Variants in MSL2 observed in about 807,000 individuals in gnomAD.
The protein encoded by MSL2 is E3 ubiquitin-protein ligase MSL2.
MSL2 carries 2 observed loss-of-function variants against 35.8 expected under a neutral mutation model. The observed-to-expected ratio is 0.06, with a 90% CI of 0.02 to 0.18. MSL2 has a LOEUF of 0.18. MSL2 is among the 10% of genes least tolerant of loss of function. The pLI is 1.00. For synonymous variants in MSL2, 296 were observed against 255.7 expected (o/e 1.16, Z -1.50); for missense variants, 523 against 706.7 (o/e 0.74, Z 2.95).
chr3:136,188,918 C>CA (rs911068665), intron 1 of MSL2, among the ~76,000 whole-genome samples: 10 of 151,512 alleles, frequency 6.6e-5, no homozygotes, highest in African/African-American at 2.4e-4. Context: ...GGCTGCAAAT[C>CA]AAACCTCTTT....
At chr3:136,164,840 C>A (rs1419197431) in intron 1 of MSL2, among the ~76,000 whole-genome samples, 1 of 151,700 alleles carries the variant, frequency 6.6e-6, no homozygotes, top group Non-Finnish European at 1.5e-5. Flanking sequence ...GTTACACACA[C>A]AAGTACAAAA....
chr3:136,184,660 A>G (rs1356858318), intron 1 of MSL2, among the ~76,000 whole-genome samples: 7 of 150,186 alleles, frequency 4.7e-5, no homozygotes, highest in Non-Finnish European at 8.9e-5. Context: ...TCCAGCGTAC[A>G]AGAAGGGGCC....
In MSL2 at chr3:136,195,263, G is replaced by A. The variant is rs1471363903; in HGVS notation, c.-150C>T. 5.4e-6 allele frequency: 8 copies of A among 1,470,706 alleles called. No homozygotes were observed. The highest frequency in any genetic ancestry group is 7.2e-6 in the Non-Finnish European group (8 of 1,117,076). 91.1% of individuals were successfully genotyped at this position (1,470,706 alleles called of 1,614,324 possible). On this transcript the variant is annotated 5_prime_UTR_variant, in exon 1 of 2. Coordinates refer to ENST00000309993, the MANE Select transcript of MSL2 (RefSeq NM_018133.4). ...AAACAAGTAACCAAAATCCGTGCAA[G>A]TTTGTGGAGCTGAAACAATCCTCCC...
chr3:136,162,699 T>C (rs1215038484), intron 1 of MSL2, among the ~76,000 whole-genome samples: 1 of 152,208 alleles, frequency 6.6e-6, no homozygotes, highest in African/African-American at 2.4e-5. Flanking sequence ...GTAAATATTT[T>C]ATATAATAGT....
intron 1 of MSL2, among the ~76,000 whole-genome samples, chr3:136,158,172 C>T (rs917070062): frequency 2.6e-5 from 4 of 151,856 alleles, no homozygotes; most frequent in Non-Finnish European, 5.9e-5. Flanking sequence ...ATTAGCCGGG[C>T]GTGGTGGCGC....
At chr3:136,160,584 C>G (rs1347544205) in intron 1 of MSL2, among the ~76,000 whole-genome samples, 1 of 151,798 alleles carries the variant, frequency 6.6e-6, no homozygotes, top group South Asian at 2.1e-4. Context: ...GTGGCATGCA[C>G]CTGTAGTCCC....
chr3:136,193,236 C>A lies in MSL2; in HGVS notation c.142+1736G>T, dbSNP rs1347230407. Among the ~76,000 whole-genome samples the A allele has an allele frequency of 6.6e-5, 10 of 152,184 alleles. 3 individuals are homozygous for A. Among genetic ancestry groups the A allele is most frequent in the Admixed American group, 6.5e-4 (10 of 15,284 alleles). On this transcript the variant is annotated intron_variant, in intron 1 of 1. Transcript: ENST00000309993. ...GTTCAATTAGACCACCACTACCATCCGAAAGCTATTAATAGGAACTTAAAA... is the reference window on the plus strand; with the variant it reads ...GTTCAATTAGACCACCACTACCATCAGAAAGCTATTAATAGGAACTTAAAA...
rs1939282005 is a variant in MSL2 at position 136,149,539 on chromosome 3, AT to A, written c.*1607del. 6 of 150,124 alleles carry A rather than the reference AT, an allele frequency of 4.0e-5. No homozygotes were observed. The highest frequency in any genetic ancestry group is 7.4e-5 in the Non-Finnish European group (5 of 67,510). The allele number at this position is 150,124 out of a possible 1,614,324, so 9.3% of individuals were successfully genotyped here. On this transcript the variant is annotated 3_prime_UTR_variant, in exon 2 of 2. Transcript: ENST00000309993. ...AGTACATACTGGACACATACATCAC[AT>A]TTTTCTTCCTATGGCTTTAGCCCAC... is the stretch of plus-strand genomic sequence containing the variant.
chr3:136,170,584 G>A (rs1418846205), intron 1 of MSL2, among the ~76,000 whole-genome samples: 5 of 137,372 alleles, frequency 3.6e-5, no homozygotes, highest in South Asian at 2.3e-4. Context: ...GCGTGATCTC[G>A]GCTCACTGCT....
intron 1 of MSL2, among the ~76,000 whole-genome samples, chr3:136,181,929 T>G (rs1480364214): frequency 1.2e-5 from 1 of 80,476 alleles, no homozygotes; most frequent in African/African-American, 4.7e-5. Flanking sequence ...AAAAAATAAA[T>G]AAATAAATAA....
chr3:136,179,736 A>G (rs1940282082), intron 1 of MSL2, among the ~76,000 whole-genome samples: 1 of 152,242 alleles, frequency 6.6e-6, no homozygotes, highest in East Asian at 1.9e-4. Context: ...ATCTAAATTA[A>G]GTTTTAAAAT....
chr3:136,169,052 C>G (rs1053443521), intron 1 of MSL2, among the ~76,000 whole-genome samples: 6 of 151,998 alleles, frequency 3.9e-5, no homozygotes, highest in African/African-American at 9.7e-5. Context: ...GTAACTTAAG[C>G]AATGACAAAA....
At chr3:136,189,871 C>G (rs949729477) in intron 1 of MSL2, among the ~76,000 whole-genome samples, 1 of 152,064 alleles carries the variant, frequency 6.6e-6, no homozygotes, top group African/African-American at 2.4e-5. Flanking sequence ...AATGCGCTTT[C>G]ATGGTTAATT....
At chr3:136,163,882 C>CT (rs1299652567) in intron 1 of MSL2, among the ~76,000 whole-genome samples, 2 of 152,186 alleles carry the variant, frequency 1.3e-5, no homozygotes, top group Non-Finnish European at 2.9e-5. Flanking sequence ...CCTGCTTCCC[C>CT]TCTTTGTCTT....
At chr3:136,183,212 C>T (rs1940417974) in intron 1 of MSL2, among the ~76,000 whole-genome samples, 1 of 151,976 alleles carries the variant, frequency 6.6e-6, no homozygotes. Context: ...GTGCGAGCAA[C>T]AAACCCAGAA....
intron 1 of MSL2, among the ~76,000 whole-genome samples, chr3:136,178,527 T>C (rs1348655466): frequency 1.3e-5 from 2 of 150,128 alleles, no homozygotes; most frequent in East Asian, 1.9e-4. Flanking sequence ...TTAAATTTAC[T>C]GGCACTTTTT....
At chr3:136,191,051 T>G (rs1342237210) in intron 1 of MSL2, among the ~76,000 whole-genome samples, 1 of 152,212 alleles carries the variant, frequency 6.6e-6, no homozygotes. Context: ...TTGACAATAA[T>G]TGACCTGATA....
intron 1 of MSL2, among the ~76,000 whole-genome samples, chr3:136,174,146 A>C (rs1940103885): frequency 6.6e-6 from 1 of 152,226 alleles, no homozygotes; most frequent in Admixed American, 6.5e-5. Context: ...CCAGAAACTT[A>C]TTTATCTCTA....
rs754755763 is a variant in MSL2 at position 136,151,314 on chromosome 3, T to C, written c.1567A>G (p.Thr523Ala). ...ACGTTAATGCCCAAAGTGAGCCTGG[T>C]CTGCTCCAAGGCCTTTTCTGGCACG... The part of the protein sequence containing the change: ...FAVPEKALEQ[T>A]RLTLGINVTS... The change falls in exon 2 of 2, where the codon ACC becomes GCC. Residue 523 changes from threonine to alanine, a missense_variant. Thr to Ala is a moderately conservative substitution (Grantham distance 58). Around this residue, in one of 5 missense-constraint regions of MSL2, gnomAD observed 60 missense variants for 75.1 expected, o/e 0.80. Transcript: ENST00000309993. This position sits in a 1 kb window ranked among gnomAD's most constrained non-coding sequence, Gnocchi z 5.2. 1 of 1,614,214 alleles carries C rather than the reference T, an allele frequency of 6.2e-7. No homozygotes were observed. The highest frequency in any genetic ancestry group is 8.5e-7 in the Non-Finnish European group (1 of 1,180,042).
Sources: gnomAD v4.1 joint callset for allele counts (sites outside exome capture counted in the v4.1 genomes callset) on GRCh38, gnomAD v4.1.1 for gene constraint, gnomAD v4.1.1 regional missense constraint, Gnocchi (gnomAD v3.1) non-coding constraint, MANE v1.5 for transcripts, NCBI Gene and HGNC (gene_info 2026-07-23, HGNC 2026-07-21) for gene names.